The following KIAA1549L variants were observed in gnomAD, a reference collection of about 807,000 sequenced individuals.
KIAA1549L encodes KIAA1549 like, also known as UPF0606 protein KIAA1549L.
A neutral mutation model predicts 160.7 loss-of-function variants in KIAA1549L; 88 were observed. That is an observed-to-expected ratio of 0.55 (90% CI 0.46 to 0.65). KIAA1549L has a LOEUF of 0.65. KIAA1549L is among the 30% of genes least tolerant of loss of function. KIAA1549L has a pLI of 0.00. For missense variants in KIAA1549L, 2,258 were observed against 2,437.5 expected (o/e 0.93, Z 1.55); for synonymous variants, 950 against 976.7 (o/e 0.97, Z 0.51).
chr11:33,541,755 A>G (rs762343499), intron 1 of KIAA1549L, 47 bp from the exon 2 acceptor site: 14 of 224,382 alleles, frequency 6.2e-5, no homozygotes, highest in Middle Eastern at 1.9e-3. Context: ...CACAGCAGGC[A>G]CTTCATGAGC....
chr11:33,545,847 G>T (rs1372812933), intron 3 of KIAA1549L, among the ~76,000 whole-genome samples: 1 of 152,240 alleles, frequency 6.6e-6, no homozygotes, highest in Non-Finnish European at 1.5e-5. Flanking sequence ...GATGTGGTTT[G>T]TAAGATACAA....
intron 1 of KIAA1549L, among the ~76,000 whole-genome samples, chr11:33,453,404 T>G (rs989247594): frequency 6.6e-6 from 1 of 152,178 alleles, no homozygotes; most frequent in Admixed American, 6.5e-5. Flanking sequence ...AGTTCAAATA[T>G]GAATCAACAG....
intron 16 of KIAA1549L, among the ~76,000 whole-genome samples, chr11:33,633,250 C>G (rs1851351249): frequency 7.0e-6 from 1 of 142,098 alleles, no homozygotes; most frequent in East Asian, 2.2e-4. Context: ...CTGCCCGCCT[C>G]TTTCTCCCAA....
At chr11:33,592,808 CT>C (rs1189683855) in intron 12 of KIAA1549L, among the ~76,000 whole-genome samples, 1 of 152,172 alleles carries the variant, frequency 6.6e-6, no homozygotes, top group African/African-American at 2.4e-5. Context: ...CTAGGGAAGA[CT>C]TTTTTGATAA....
At chr11:33,663,216 C>CT (rs1481719718) in intron 20 of KIAA1549L, among the ~76,000 whole-genome samples, 1 of 152,190 alleles carries the variant, frequency 6.6e-6, no homozygotes, top group Non-Finnish European at 1.5e-5. Flanking sequence ...CAGCAGCTAG[C>CT]TTGGATAAAA....
At chr11:33,380,455 C>T (rs777487231) in intron 1 of KIAA1549L, among the ~76,000 whole-genome samples, 6 of 152,162 alleles carry the variant, frequency 3.9e-5, no homozygotes, top group Non-Finnish European at 5.9e-5. Context: ...CTTCTGATTA[C>T]GTGATCAATT....
At chr11:33,473,580 C>T (rs369251526) in intron 1 of KIAA1549L, among the ~76,000 whole-genome samples, 1 of 152,310 alleles carries the variant, frequency 6.6e-6, no homozygotes, top group East Asian at 1.9e-4. Context: ...CTTTGCCAAG[C>T]AGCCTACTAT....
chr11:33,597,953 C>T (rs1460524345), intron 12 of KIAA1549L, among the ~76,000 whole-genome samples: 1 of 152,102 alleles, frequency 6.6e-6, no homozygotes, highest in East Asian at 1.9e-4. Flanking sequence ...ATCAGTGGCT[C>T]ATTATAATGA....
intron 1 of KIAA1549L, among the ~76,000 whole-genome samples, chr11:33,487,842 T>A (rs1296973908): frequency 2.0e-5 from 3 of 152,098 alleles, no homozygotes; most frequent in Non-Finnish European, 4.4e-5. Flanking sequence ...TCAGGATTGG[T>A]TGGGGAGTAA....
At chr11:33,480,798 C>T (rs1006005265) in intron 1 of KIAA1549L, among the ~76,000 whole-genome samples, 2 of 152,164 alleles carry the variant, frequency 1.3e-5, no homozygotes, top group African/African-American at 4.8e-5. Flanking sequence ...CACTGTTTGC[C>T]AAGGCTGGGG....
chr11:33,403,612 A>T (rs530945699), intron 1 of KIAA1549L: 1 of 152,354 alleles, frequency 6.6e-6, no homozygotes, highest in South Asian at 2.1e-4. Flanking sequence ...ACACACACAG[A>T]CACACACACA....
chr11:33,542,425 G>A lies in KIAA1549L; in HGVS notation c.862G>A (p.Ala288Thr). 1 of 1,578,212 alleles carries A rather than the reference G, an allele frequency of 6.3e-7. No individual in the cohort carries two copies. Among genetic ancestry groups the A allele is most frequent in the African/African-American group, 1.3e-5 (1 of 74,318 alleles). ...PADPSLGQNI[A>T]NPLIPFSDEM... ...CGACCCCTCTTTAGGTCAGAACATA[G>A]CTAATCCCTTAATCCCATTTTCTGA... Residue 288 changes from alanine to threonine, a missense_variant, in exon 2 of 21, where the codon GCT becomes ACT. Transcript: ENST00000658780.
intron 1 of KIAA1549L, among the ~76,000 whole-genome samples, chr11:33,491,812 A>G (rs954578315): frequency 6.6e-6 from 1 of 152,078 alleles, no homozygotes; most frequent in African/African-American, 2.4e-5. Flanking sequence ...CCCCTTCTCC[A>G]CTCTGACCAG....
intron 1 of KIAA1549L, among the ~76,000 whole-genome samples, chr11:33,426,368 T>A (rs1006156604): frequency 6.6e-6 from 1 of 152,172 alleles, no homozygotes; most frequent in African/African-American, 2.4e-5. Flanking sequence ...TTTCATTTCT[T>A]GCATATGAAT....
chr11:33,550,059 A>G lies in KIAA1549L; in HGVS notation c.3502-981A>G, dbSNP rs889287122. Among the ~76,000 whole-genome samples, 7 of 152,040 alleles carry G rather than the reference A, an allele frequency of 4.6e-5. No individual in the cohort carries two copies. In the East Asian group the frequency reaches 1.3e-3, roughly 29 times the overall value. On this transcript the variant is annotated intron_variant, in intron 4 of 20. Transcript: ENST00000658780. ...AAAAGAAACAAAAAAAAAAAACACA[A>G]AATGAAACCCTGAGTTCCAGTTTTA...
intron 1 of KIAA1549L, among the ~76,000 whole-genome samples, chr11:33,507,332 A>T (rs967357234): frequency 6.6e-6 from 1 of 152,196 alleles, no homozygotes; most frequent in African/African-American, 2.4e-5. Context: ...ATTAGTGGAT[A>T]CAGCAAAGCC....
At chr11:33,621,153 A>G (rs1850948737) in intron 16 of KIAA1549L, among the ~76,000 whole-genome samples, 1 of 152,234 alleles carries the variant, frequency 6.6e-6, no homozygotes, top group East Asian at 1.9e-4. Context: ...GCCTGAATGT[A>G]AAAATAAATG....
At chr11:33,467,276 T>C (rs1014511119) in intron 1 of KIAA1549L, among the ~76,000 whole-genome samples, 7 of 152,138 alleles carry the variant, frequency 4.6e-5, no homozygotes, top group Non-Finnish European at 1.0e-4. Flanking sequence ...CAGTCTACAA[T>C]GTATGGAGAT....
At chr11:33,600,301 G>A (rs1276640390) in intron 13 of KIAA1549L, among the ~76,000 whole-genome samples, 2 of 152,144 alleles carry the variant, frequency 1.3e-5, no homozygotes, top group African/African-American at 2.4e-5. Context: ...CAGCTCTATC[G>A]AGTGAGCACA....
Sources: gnomAD v4.1 joint callset for allele counts (sites outside exome capture counted in the v4.1 genomes callset) on GRCh38, gnomAD v4.1.1 for gene constraint, MANE v1.5 for transcripts, NCBI Gene and HGNC (gene_info 2026-07-23, HGNC 2026-07-21) for gene names.